The following NRXN3 variants were observed in gnomAD, a reference collection of about 807,000 sequenced individuals.
NRXN3 encodes neurexin 3, also known as neurexin III.
NRXN3 carries 32 observed loss-of-function variants against 137.6 expected under a neutral mutation model. The observed-to-expected ratio is 0.23, with a 90% CI of 0.18 to 0.31. The LOEUF is 0.31. Among genes scored for constraint, NRXN3 ranks in the 10% least tolerant of loss-of-function variants. The pLI is 1.00. For synonymous variants in NRXN3, 798 were observed against 784.5 expected (o/e 1.02, Z -0.29); for missense variants, 1,574 against 2,062.5 (o/e 0.76, Z 4.59).
intron 19 of NRXN3, among the ~76,000 whole-genome samples, chr14:79,757,073 C>G (rs1264139894): frequency 6.6e-6 from 1 of 152,140 alleles, no homozygotes; most frequent in Non-Finnish European, 1.5e-5. Flanking sequence ...ACCAGGTGAG[C>G]TTGGTCCCCA....
chr14:78,603,425 C>A (rs544586408), intron 4 of NRXN3, among the ~76,000 whole-genome samples: 55 of 152,270 alleles, frequency 3.6e-4, no homozygotes, highest in African/African-American at 1.3e-3. Flanking sequence ...GGGATAAATT[C>A]CCTTTGACCG....
chr14:78,593,605 G>T (rs1458645864), intron 4 of NRXN3, among the ~76,000 whole-genome samples: 2 of 152,082 alleles, frequency 1.3e-5, no homozygotes, highest in African/African-American at 4.8e-5. Context: ...CATCCTCTGG[G>T]TTCCTTAATA....
At chr14:79,725,579 G>A (rs527802251) in intron 19 of NRXN3, among the ~76,000 whole-genome samples, 47 of 152,118 alleles carry the variant, frequency 3.1e-4, no homozygotes, top group African/African-American at 9.2e-4. Flanking sequence ...GTTATGTTCC[G>A]CTCTAACCTT....
intron 4 of NRXN3, among the ~76,000 whole-genome samples, chr14:78,590,280 C>G (rs1385450046): frequency 3.3e-5 from 5 of 152,264 alleles, no homozygotes; most frequent in African/African-American, 1.2e-4. Flanking sequence ...CTTCTGGTCC[C>G]AGTCCACAAA....
At chr14:79,452,961 A>T (rs1211869168) in intron 15 of NRXN3, among the ~76,000 whole-genome samples, 3 of 152,206 alleles carry the variant, frequency 2.0e-5, no homozygotes, top group Non-Finnish European at 4.4e-5. Context: ...GTCCATGATA[A>T]AAGGTAATAA....
At chr14:78,179,810 G>GTTTTTT (rs1164540691) in intron 1 of NRXN3, among the ~76,000 whole-genome samples, 2 of 28,856 alleles carry the variant, frequency 6.9e-5, no homozygotes, top group African/African-American at 1.5e-4. Flanking sequence ...TTTGTTCTTT[G>GTTTTTT]TTTTTTTTTT....
chr14:79,779,779 C>A (rs1015773736), intron 19 of NRXN3, among the ~76,000 whole-genome samples: 3 of 152,160 alleles, frequency 2.0e-5, no homozygotes, highest in African/African-American at 4.8e-5. Flanking sequence ...CAAGAGTAGA[C>A]CAGAGTATCC....
At chr14:79,095,658 CAT>C (rs2050177732) in intron 15 of NRXN3, among the ~76,000 whole-genome samples, 1 of 101,912 alleles carries the variant, frequency 9.8e-6, no homozygotes, top group Non-Finnish European at 2.4e-5. Context: ...CTAGAAAATA[CAT>C]GTGAGATTTG....
At chr14:78,904,605 G>C (rs969957598) in intron 10 of NRXN3, among the ~76,000 whole-genome samples, 1 of 151,944 alleles carries the variant, frequency 6.6e-6, no homozygotes, top group African/African-American at 2.4e-5. Flanking sequence ...TCGAATTCTA[G>C]CTTCTTATTT....
chr14:78,709,118 AG>A (rs2098385043), intron 6 of NRXN3, 98 bp from the exon 7 acceptor site: 1 of 1,095,464 alleles, frequency 9.1e-7, no homozygotes, highest in Non-Finnish European at 1.3e-6. Flanking sequence ...TATGTCCTGA[AG>A]CCTCTTTTTG....
At chr14:78,653,710 TACACAC>T (rs10650669) in intron 6 of NRXN3, among the ~76,000 whole-genome samples, 62 of 142,910 alleles carry the variant, frequency 4.3e-4, no homozygotes, top group Non-Finnish European at 6.0e-4. Context: ...GAAAATAAAA[TACACAC>T]ACACACACAC....
rs11456993 is a variant in NRXN3 at position 78,615,444 on chromosome 14, CAAAAA to C, written c.758-29663_758-29659del. Among the ~76,000 whole-genome samples the C allele has an allele frequency of 3.3e-5, 4 of 120,926 alleles. No individual in the cohort carries two copies. In the East Asian group the frequency reaches 9.3e-4, roughly 28 times the overall value. The allele number at this position is 120,926 out of a possible 152,430, so 79.3% of individuals were successfully genotyped here. On this transcript the variant is annotated intron_variant, in intron 4 of 20. Coordinates refer to ENST00000335750, the MANE Select transcript of NRXN3 (RefSeq NM_001330195.2). Reference sequence around the variant, plus strand: ...TGAAACCCCATCTCTACTGAAAATACAAAAAAAAAAAAAAAAATTAGTCTGTTGTG... The same window carrying C: ...TGAAACCCCATCTCTACTGAAAATACAAAAAAAAAAAATTAGTCTGTTGTG...
At chr14:78,557,284 G>T (rs900240843) in intron 4 of NRXN3, among the ~76,000 whole-genome samples, 4 of 150,716 alleles carry the variant, frequency 2.7e-5, no homozygotes, top group African/African-American at 4.9e-5. Context: ...CGAACTCCTG[G>T]CTCAAGCAAT....
chr14:78,937,433 A>C, intron 10 of NRXN3, among the ~76,000 whole-genome samples: 1 of 152,160 alleles, frequency 6.6e-6, no homozygotes, highest in Non-Finnish European at 1.5e-5. Flanking sequence ...TCACCTGGCA[A>C]AACAGTCCTG....
At chr14:79,236,239 A>C (rs2153315240) in intron 15 of NRXN3, among the ~76,000 whole-genome samples, 1 of 152,222 alleles carries the variant, frequency 6.6e-6, no homozygotes, top group Non-Finnish European at 1.5e-5. Flanking sequence ...ACGTTCTCAC[A>C]AACTTATACA....
intron 15 of NRXN3, among the ~76,000 whole-genome samples, chr14:79,466,419 C>G (rs925331162): frequency 2.6e-5 from 4 of 152,170 alleles, no homozygotes; most frequent in South Asian, 2.1e-4. Flanking sequence ...AACTCCGTCT[C>G]TACTAAAAAT....
Position 79,762,203 on chromosome 14 carries a change from A to G in NRXN3, c.4015-42909A>G, listed in dbSNP as rs58560194. ...GACTTCATAAAACAGTATTAGAAAA[A>G]TTGCTAGCACTACGAAATCAAGCAG... On this transcript the variant is annotated intron_variant, in intron 19 of 20. Transcript: ENST00000335750. Among the ~76,000 whole-genome samples, 910 of 151,720 alleles carry G rather than the reference A, an allele frequency of 6.0e-3. 46 individuals are homozygous for G. Among genetic ancestry groups the G allele is most frequent in the African/African-American group, 0.021 (878 of 41,002 alleles).
At chr14:79,088,413 C>G (rs868296299) in intron 15 of NRXN3, among the ~76,000 whole-genome samples, 1 of 149,626 alleles carries the variant, frequency 6.7e-6, no homozygotes, top group Non-Finnish European at 1.5e-5. Context: ...CTAAACTTAG[C>G]CCAGACAGAA....
chr14:78,357,299 A>G (rs2084455606), intron 4 of NRXN3, among the ~76,000 whole-genome samples: 1 of 152,160 alleles, frequency 6.6e-6, no homozygotes, highest in South Asian at 2.1e-4. Context: ...TTTTTAAACC[A>G]TCGGATCTCA....
Sources: allele counts gnomAD v4.1 joint callset (sites outside exome capture counted in the v4.1 genomes callset), GRCh38; gene constraint gnomAD v4.1.1; transcripts MANE v1.5; gene names NCBI Gene and HGNC (gene_info 2026-07-23, HGNC 2026-07-21).